The following GLI3 variants were observed in gnomAD, a reference collection of about 807,000 sequenced individuals.
The protein encoded by GLI3 is transcription activator GLI3.
Under a neutral mutation model 100.8 loss-of-function variants are expected in GLI3, and 20 were observed. The ratio of observed to expected loss-of-function variants is 0.20; its 90% confidence interval spans 0.14 to 0.29. The LOEUF (loss-of-function observed/expected upper bound fraction) is 0.29. Ranked by LOEUF, GLI3 falls within the 10% of genes least tolerant of loss-of-function variation. GLI3 has a pLI of 1.00. For missense variants in GLI3, 2,040 were observed against 2,128.5 expected (o/e 0.96, Z 0.82); for synonymous variants, 938 against 860.5 (o/e 1.09, Z -1.58).
chr7:42,193,411 A>G (rs2128689254), intron 2 of GLI3, among the ~76,000 whole-genome samples: 1 of 151,712 alleles, frequency 6.6e-6, no homozygotes, highest in South Asian at 2.1e-4. Context: ...CCAGGAACAC[A>G]CTCTGCCTGA....
rs117122524 is a variant in GLI3 at position 42,231,052 on chromosome 7, A to G, written c.-43+5919T>C. ...AAAAGTTTTCACACATTTTCAGAAG[A>G]AAAAACTTTAATTATTCTTATAGAA... On this transcript the variant is annotated intron_variant, in intron 1 of 14. Coordinates refer to ENST00000395925, the MANE Select transcript of GLI3 (RefSeq NM_000168.6). 3.9e-5 allele frequency among the ~76,000 whole-genome samples: 6 copies of G among 152,340 alleles called. No individual in the cohort carries two copies. The East Asian group carries it at 1.2e-3, about 29-fold the overall frequency.
At chr7:42,226,159 T>C (rs534605815) in intron 1 of GLI3, among the ~76,000 whole-genome samples, 2 of 152,356 alleles carry the variant, frequency 1.3e-5, no homozygotes, top group Admixed American at 1.3e-4. Context: ...TATGCTATAA[T>C]TGTTCCCTTC....
At chr7:42,131,234 A>G (rs773958706) in intron 3 of GLI3, among the ~76,000 whole-genome samples, 6 of 152,216 alleles carry the variant, frequency 3.9e-5, no homozygotes, top group Non-Finnish European at 7.3e-5. Context: ...CCTCGTTCAG[A>G]CTTCTCAGGA....
Position 41,966,373 on chromosome 7 carries a change from G to T in GLI3, c.2700C>A (p.Thr900=), listed in dbSNP as rs748146900. 6.2e-7 allele frequency: 1 copy of T among 1,609,228 alleles called. No homozygotes were observed. Among genetic ancestry groups the T allele is most frequent in the Non-Finnish European group, 8.5e-7 (1 of 1,179,340 alleles). ...SVADSYDPIS[T]DASRRSSEAS... is the part of the protein sequence containing the mutation. ...CTTCGCTGGAGCGGCGCGAGGCGTC[G>T]GTGGAGATGGGGTCGTAGGAGTCGG... The change falls in exon 15 of 15, where the codon ACC becomes ACA. Residue 900 remains threonine (T), a synonymous_variant. Coordinates refer to ENST00000395925, the MANE Select transcript of GLI3 (RefSeq NM_000168.6). This position sits in a 1 kb window ranked among gnomAD's most constrained non-coding sequence, Gnocchi z 5.8.
intron 3 of GLI3, among the ~76,000 whole-genome samples, chr7:42,130,240 C>A (rs1786240374): frequency 6.6e-6 from 1 of 152,202 alleles, no homozygotes; most frequent in African/African-American, 2.4e-5. Context: ...TCAGGATGTT[C>A]CATCCATCCA....
chr7:41,970,250 T>G (rs548034478), intron 13 of GLI3, among the ~76,000 whole-genome samples: 1 of 152,188 alleles, frequency 6.6e-6, no homozygotes, highest in Non-Finnish European at 1.5e-5. Flanking sequence ...GAAGAAAGAA[T>G]TTAATTTATA....
intron 3 of GLI3, among the ~76,000 whole-genome samples, chr7:42,097,506 C>G (rs941447632): frequency 6.6e-6 from 1 of 152,136 alleles, no homozygotes; most frequent in Non-Finnish European, 1.5e-5. Flanking sequence ...ACCCCGGGAG[C>G]CCCCCTTCCC....
In GLI3 at chr7:42,048,534, C is replaced by A. The variant is rs369422937; in HGVS notation, c.636G>T (p.Ser212=). ...DYIRSLHSSP[S]LSMISATRGL... ...CACGGGTTGCTGAGATCATGGAGAG[C>A]GATGGGCTGCTGTGCAAGGAGCGGA... Residue 212 remains serine, a synonymous_variant, in exon 5 of 15, where the codon TCG becomes TCT. Coordinates refer to ENST00000395925, the MANE Select transcript of GLI3 (RefSeq NM_000168.6). The A allele has an allele frequency of 1.2e-5, 20 of 1,612,922 alleles. No homozygotes were observed. In the African/African-American group the frequency reaches 2.3e-4, roughly 18 times the overall value.
At position 42,123,458 on chromosome 7, in the gene GLI3, G is replaced by T. The variant is rs139657959; in HGVS notation, c.367+24768C>A. ...CATACGCATTAAAATGCATACAAGG[G>T]TGTATATATTTCTATTTCCTAAAAG... On this transcript the variant is annotated intron_variant, in intron 3 of 14. Transcript: ENST00000395925. Among the ~76,000 whole-genome samples the T allele has an allele frequency of 7.2e-3, 1,093 of 152,172 alleles. 5 individuals carry two copies. Among genetic ancestry groups the T allele is most frequent in the African/African-American group, 0.025 (1,020 of 41,502 alleles).
chr7:42,119,423 A>G (rs183702344), intron 3 of GLI3, among the ~76,000 whole-genome samples: 76 of 152,096 alleles, frequency 5.0e-4, no homozygotes, highest in African/African-American at 1.7e-3. Context: ...AGAATGTGAA[A>G]CTGTCAAATT....
chr7:42,142,367 A>T (rs1177151401), intron 3 of GLI3, among the ~76,000 whole-genome samples: 1 of 152,160 alleles, frequency 6.6e-6, no homozygotes, highest in Admixed American at 6.5e-5. Flanking sequence ...GGACTGGACC[A>T]GTGCACTAAG....
chr7:42,117,865 C>T (rs930935482), intron 3 of GLI3, among the ~76,000 whole-genome samples: 1 of 152,166 alleles, frequency 6.6e-6, no homozygotes, highest in African/African-American at 2.4e-5. Flanking sequence ...CATATCACTG[C>T]AGATTCCGTG....
intron 10 of GLI3, among the ~76,000 whole-genome samples, chr7:42,001,069 AC>A (rs1345310498): frequency 2.6e-5 from 4 of 151,972 alleles, no homozygotes; most frequent in African/African-American, 9.7e-5. Flanking sequence ...ACATGGTGAA[AC>A]CCTGTCTCTA....
intron 10 of GLI3, among the ~76,000 whole-genome samples, chr7:42,011,201 G>C (rs184463050): frequency 1.6e-4 from 24 of 152,294 alleles, no homozygotes; most frequent in Admixed American, 1.3e-3. Flanking sequence ...CAGTGTCATA[G>C]AGCACTCCAC....
chr7:42,041,884 A>G (rs940576826), intron 6 of GLI3, among the ~76,000 whole-genome samples: 1 of 152,252 alleles, frequency 6.6e-6, no homozygotes, highest in Non-Finnish European at 1.5e-5. Context: ...ACCAACTTGA[A>G]TGATAAATGT....
intron 1 of GLI3, among the ~76,000 whole-genome samples, chr7:42,236,075 G>C (rs946783424): frequency 6.6e-6 from 1 of 152,106 alleles, no homozygotes; most frequent in African/African-American, 2.4e-5. Flanking sequence ...AGGTGCAATG[G>C]GGGACAGGAG....
At chr7:41,975,095 G>T (rs977368632) in intron 12 of GLI3, among the ~76,000 whole-genome samples, 1 of 152,130 alleles carries the variant, frequency 6.6e-6, no homozygotes, top group African/African-American at 2.4e-5. Context: ...CTTGTTTAGC[G>T]GTATCTTTGG....
intron 1 of GLI3, among the ~76,000 whole-genome samples, chr7:42,229,050 A>C (rs982509377): frequency 6.6e-6 from 1 of 152,254 alleles, no homozygotes; most frequent in Non-Finnish European, 1.5e-5. Context: ...TAAAATGTTT[A>C]AAAATAAAGC....
intron 2 of GLI3, among the ~76,000 whole-genome samples, chr7:42,187,725 C>T (rs907152126): frequency 1.3e-5 from 2 of 151,958 alleles, no homozygotes; most frequent in African/African-American, 2.4e-5. Context: ...GCCAGCAGAG[C>T]CGGGCACAGT....
Sources: allele counts gnomAD v4.1 joint callset (sites outside exome capture counted in the v4.1 genomes callset), GRCh38; gene constraint gnomAD v4.1.1; non-coding constraint Gnocchi (gnomAD v3.1); transcripts MANE v1.5; gene names NCBI Gene and HGNC (gene_info 2026-07-23, HGNC 2026-07-21).